The following HIBADH variants were observed in gnomAD, a reference collection of about 807,000 sequenced individuals.
HIBADH encodes the protein 3-hydroxyisobutyrate dehydrogenase, mitochondrial.
A neutral mutation model predicts 36.1 loss-of-function variants in HIBADH; 25 were observed. That is an observed-to-expected ratio of 0.69 (90% CI 0.50 to 0.97). The LOEUF (loss-of-function observed/expected upper bound fraction) is 0.97. Among genes scored for constraint, HIBADH ranks in the 50% least tolerant of loss-of-function variants. The pLI, the probability that HIBADH is intolerant of heterozygous loss-of-function variation, is 0.00. For synonymous variants in HIBADH, 160 were observed against 149.5 expected (o/e 1.07, Z -0.51); for missense variants, 421 against 418.0 (o/e 1.01, Z -0.06).
chr7:27,662,597 C>T, intron 1 of HIBADH, 101 bp downstream of exon 1: 1 of 706,330 alleles, frequency 1.4e-6, no homozygotes, highest in Non-Finnish European at 2.0e-6. Context: ...AAGCCCCAGC[C>T]CAACCGCAGG....
At chr7:27,572,169 G>C (rs994042147) in intron 4 of HIBADH, among the ~76,000 whole-genome samples, 1 of 152,174 alleles carries the variant, frequency 6.6e-6, no homozygotes, top group Non-Finnish European at 1.5e-5. Flanking sequence ...ATCAGCATTT[G>C]CTTCCAGGTC....
intron 4 of HIBADH, among the ~76,000 whole-genome samples, chr7:27,610,218 A>C (rs1003767056): frequency 1.3e-5 from 2 of 152,178 alleles, no homozygotes; most frequent in Admixed American, 6.5e-5. Flanking sequence ...CATTTTTAAA[A>C]ATTTTCTTAA....
chr7:27,615,553 G>T (rs1325720453), intron 4 of HIBADH, among the ~76,000 whole-genome samples: 1 of 152,122 alleles, frequency 6.6e-6, no homozygotes, highest in African/African-American at 2.4e-5. Context: ...GGTCCCATGA[G>T]ATCATCACGG....
chr7:27,551,787 T>C (rs1050459567), intron 4 of HIBADH, among the ~76,000 whole-genome samples: 6 of 152,218 alleles, frequency 3.9e-5, no homozygotes, highest in African/African-American at 1.4e-4. Context: ...TAGCCAAACA[T>C]AGTAAATCAC....
At chr7:27,659,157 T>C (rs1178486673) in intron 1 of HIBADH, among the ~76,000 whole-genome samples, 1 of 152,236 alleles carries the variant, frequency 6.6e-6, no homozygotes, top group Non-Finnish European at 1.5e-5. Context: ...ATGCTAATTT[T>C]TCCATTCTAC....
chr7:27,536,973 C>T (rs1784079009), intron 6 of HIBADH, among the ~76,000 whole-genome samples: 1 of 152,102 alleles, frequency 6.6e-6, no homozygotes. Context: ...GTGTCAACAC[C>T]AATTAATTGT....
intron 4 of HIBADH, among the ~76,000 whole-genome samples, chr7:27,567,181 A>G (rs1784558444): frequency 6.6e-6 from 1 of 152,038 alleles, no homozygotes; most frequent in South Asian, 2.1e-4. Context: ...TCATTCTGCT[A>G]GTTTTTATTT....
At chr7:27,625,119 A>G (rs1037692057) in intron 4 of HIBADH, among the ~76,000 whole-genome samples, 1 of 152,258 alleles carries the variant, frequency 6.6e-6, no homozygotes. Context: ...TGTACTGCAC[A>G]TGGGCATCTA....
chr7:27,533,860 A>G (rs192161179), intron 6 of HIBADH, among the ~76,000 whole-genome samples: 99 of 152,328 alleles, frequency 6.5e-4, no homozygotes, highest in Admixed American at 2.4e-3. Flanking sequence ...GGCTGGGAAC[A>G]TATGATACTT....
rs202145564 is a variant in HIBADH, at chr7:27,651,435, C to T, written c.92-1802G>A. Reference sequence around the variant, plus strand: ...AAGGAATTCAATGACAGAAAAGTGACACCAAACTGAAATTTTATTTTGATA... The same window carrying T: ...AAGGAATTCAATGACAGAAAAGTGATACCAAACTGAAATTTTATTTTGATA... On this transcript the variant is annotated intron_variant, in intron 1 of 7. Transcript: ENST00000265395. Among the ~76,000 whole-genome samples, 9 of 152,264 alleles carry T rather than the reference C, an allele frequency of 5.9e-5. No homozygotes were observed. The East Asian group carries it at 1.3e-3, about 23-fold the overall frequency.
intron 2 of HIBADH, among the ~76,000 whole-genome samples, chr7:27,636,437 C>T (rs1160260399): frequency 6.6e-6 from 1 of 152,206 alleles, no homozygotes; most frequent in Non-Finnish European, 1.5e-5. Flanking sequence ...GACAAAAGCG[C>T]TTTGTGCCTA....
At chr7:27,653,243 A>G (rs2128297487) in intron 1 of HIBADH, among the ~76,000 whole-genome samples, 1 of 152,354 alleles carries the variant, frequency 6.6e-6, no homozygotes, top group Admixed American at 6.5e-5. Context: ...ACAGGTATAA[A>G]AACTATTTCA....
At chr7:27,631,408 A>G (rs1223104296) in intron 3 of HIBADH, among the ~76,000 whole-genome samples, 2 of 152,202 alleles carry the variant, frequency 1.3e-5, no homozygotes, top group Non-Finnish European at 2.9e-5. Context: ...CAATTACCAG[A>G]AACTTCAAAT....
intron 1 of HIBADH, among the ~76,000 whole-genome samples, chr7:27,653,507 G>A (rs1184831312): frequency 2.6e-5 from 4 of 152,102 alleles, no homozygotes; most frequent in Admixed American, 6.5e-5. Context: ...AGGCCGAGAC[G>A]GGCGGATCAC....
intron 4 of HIBADH, among the ~76,000 whole-genome samples, chr7:27,605,040 T>A (rs1193227133): frequency 1.3e-5 from 2 of 152,110 alleles, no homozygotes; most frequent in African/African-American, 2.4e-5. Context: ...CAATAGAATA[T>A]ACACTGAGCT....
intron 4 of HIBADH, among the ~76,000 whole-genome samples, chr7:27,596,137 C>A (rs560801164): frequency 1.3e-5 from 2 of 152,224 alleles, no homozygotes; most frequent in East Asian, 3.9e-4. Context: ...AGTCAAGGTG[C>A]CAGCAGGTCT....
chr7:27,597,965 GA>G (rs1376913607), intron 4 of HIBADH, among the ~76,000 whole-genome samples: 1 of 152,136 alleles, frequency 6.6e-6, no homozygotes, highest in Non-Finnish European at 1.5e-5. Flanking sequence ...TCTGCAGTGG[GA>G]ATCACCCAAG....
intron 2 of HIBADH, among the ~76,000 whole-genome samples, chr7:27,641,955 G>C (rs1785968959): frequency 7.1e-6 from 1 of 140,816 alleles, no homozygotes. Context: ...GAGGCAAGAA[G>C]ATTCTGTCTT....
intron 4 of HIBADH, among the ~76,000 whole-genome samples, chr7:27,604,738 T>C (rs531814557): frequency 1.3e-5 from 2 of 152,294 alleles, no homozygotes; most frequent in African/African-American, 4.8e-5. Flanking sequence ...AGGTCTCTTT[T>C]GGTAATACTG....
Sources: allele counts gnomAD v4.1 joint callset (sites outside exome capture counted in the v4.1 genomes callset), GRCh38; gene constraint gnomAD v4.1.1; transcripts MANE v1.5; gene names NCBI Gene and HGNC (gene_info 2026-07-23, HGNC 2026-07-21).